The following AHNAK2 variants were observed in gnomAD, a reference collection of about 807,000 sequenced individuals.
AHNAK2 encodes protein AHNAK2.
AHNAK2 carries 18 observed loss-of-function variants against 30.7 expected under a neutral mutation model. The ratio of observed to expected loss-of-function variants is 0.59; its 90% CI spans 0.41 to 0.87. The LOEUF is 0.87. Ranked by LOEUF, AHNAK2 falls within the 40% of genes least tolerant of loss-of-function variation. The pLI, the probability that AHNAK2 is intolerant of heterozygous loss-of-function variation, is 0.00. For synonymous variants in AHNAK2, 3,590 were observed against 3,073.8 expected, an observed-to-expected ratio of 1.17 and a Z score of -5.56; for missense variants, 8,604 against 7,373.0, an observed-to-expected ratio of 1.17 and a Z score of -6.11.
Position 104,947,742 on chromosome 14 carries a change from T to C in AHNAK2, c.7709A>G (p.Gln2570Arg). Residue 2570 changes from glutamine to arginine, a missense_variant, in exon 7 of 7, where the codon CAG (glutamine) becomes CGG (arginine). By Grantham distance (43) the Gln-to-Arg change is conservative. Coordinates refer to ENST00000333244, the MANE Select transcript of AHNAK2 (RefSeq NM_138420.4). Reference protein sequence around the residue: ...AGLKGHLPKVQMPSFKMPEMD... With the variant: ...AGLKGHLPKVRMPSFKMPEMD... ...TTCAGGCATCTTGAAACTGGGCATC[T>C]GCACCTTGGGCAGGTGCCCTTTGAG... 6 of 1,612,722 alleles carry C rather than the reference T, an allele frequency of 3.7e-6. No individual in the cohort carries two copies. The highest frequency in any genetic ancestry group is 5.1e-6 in the Non-Finnish European group (6 of 1,179,578).
chr14:104,973,048 G>A (rs1291487910), intron 1 of AHNAK2, among the ~76,000 whole-genome samples: 1 of 152,240 alleles, frequency 6.6e-6, no homozygotes, highest in African/African-American at 2.4e-5. Flanking sequence ...GCAGGGCCTT[G>A]CTCACCTGCC....
At position 104,938,065 on chromosome 14, in the gene AHNAK2, A is replaced by G. The variant is rs773161405; in HGVS notation, c.17386T>C (p.Ter5796ArgextTer46). ...KGSGLGPNEG[*>R] ...CTTGTACTGATGAGCCATACCTCTCAGCCTTCATTTGGTCCCAGGCCTGAC... is the reference window on the plus strand; with the variant it reads ...CTTGTACTGATGAGCCATACCTCTCGGCCTTCATTTGGTCCCAGGCCTGAC... Residue 5796 changes from the stop codon to arginine (R), a stop_lost, in exon 7 of 7, where the codon TGA becomes CGA. Coordinates refer to ENST00000333244, the MANE Select transcript of AHNAK2 (RefSeq NM_138420.4). The G allele has an allele frequency of 1.2e-6, 2 of 1,611,682 alleles. No individual in the cohort carries two copies. Among genetic ancestry groups the G allele is most frequent in the Non-Finnish European group, 1.7e-6 (2 of 1,178,400 alleles).
rs1455071401 is a variant in AHNAK2, at chr14:104,938,122, G to A, written c.17329C>T (p.Gln5777Ter). The change falls in exon 7 of 7, where the codon CAG becomes TAG. Residue 5777 changes from glutamine to a stop codon, truncating the protein, a stop_gained. Transcript: ENST00000333244. LOFTEE classifies it low-confidence loss of function (END_TRUNC). ...AARTELILPE[Q>*]DRKADDESKG... ...CTTTCATCGTCAGCTTTTCTGTCCT[G>A]CTCGGGCAGGATTAACTCTGTTCTT... 1.2e-6 allele frequency: 2 copies of A among 1,613,890 alleles called. No homozygotes were observed. The highest frequency in any genetic ancestry group is 1.6e-4 in the Middle Eastern group (1 of 6,062).
rs1387979776 is a variant in AHNAK2 at position 104,942,015 on chromosome 14, C to T, written c.13436G>A (p.Gly4479Asp). The change falls in exon 7 of 7, where the codon GGC becomes GAC. Residue 4479 changes from glycine (G) to aspartate (D), a missense_variant. Gly to Asp is a moderately conservative substitution (Grantham distance 94). Transcript: ENST00000333244. ...KMPSFGMLSP[G>D]KSIEVSVDVS... The stretch of plus-strand genomic sequence containing the variant: ...ATCCACCGAGACCTCGATGGACTTG[C>T]CTGGGGACAACATCCCAAAGGATGG... The T allele has an allele frequency of 1.2e-6, 2 of 1,612,946 alleles. No homozygotes were observed. Among genetic ancestry groups the T allele is most frequent in the South Asian group, 1.1e-5 (1 of 91,026 alleles).
At position 104,939,858 on chromosome 14, in the gene AHNAK2, G is replaced by T. The variant is rs761496001; in HGVS notation, c.15593C>A (p.Pro5198His). The change falls in exon 7 of 7, where the codon CCC becomes CAC. Residue 5198 changes from proline (P) to histidine (H), a missense_variant. By Grantham distance (77) the Pro-to-His change is moderately conservative. Coordinates refer to ENST00000333244, the MANE Select transcript of AHNAK2 (RefSeq NM_138420.4). ...SWFKMPKFRM[P>H]SLRRSFRDRG... ...GTCCCTGAAAGAGCGCCTAAGGCTG[G>T]GCATGCGGAACTTGGGCATTTTAAA... 6.2e-7 allele frequency: 1 copy of T among 1,613,646 alleles called. No individual in the cohort carries two copies. The highest frequency in any genetic ancestry group is 8.5e-7 in the Non-Finnish European group (1 of 1,179,912).
rs539943321 is a variant in AHNAK2 at position 104,957,045 on chromosome 14, C to T, written c.214-356G>A. 3.9e-5 allele frequency among the ~76,000 whole-genome samples: 6 copies of T among 152,350 alleles called. No homozygotes were observed. In the South Asian group the frequency reaches 6.2e-4, roughly 16 times the overall value. On this transcript the variant is annotated intron_variant, in intron 3 of 6. Transcript: ENST00000333244. ...GACATGCCTCCTCTGATCCCTTCCC[C>T]GAGTCCTTGTCTCCAGAGGTAGCCA...
At position 104,970,367 on chromosome 14, in the gene AHNAK2, C is replaced by G. The variant is rs181314209; in HGVS notation, c.55+7816G>C. The G allele has an allele frequency of 4.6e-4, 436 of 951,176 alleles. 2 individuals are homozygous for G. The African/African-American group carries it at 6.2e-3, about 14-fold the overall frequency. The allele number at this position is 951,176 out of a possible 1,614,324, so 58.9% of individuals were successfully genotyped here. ...GCCTAGCCCAGCTCTGTTCCTCCAG[C>G]CCCCCTTGCTGGTGGCCTGCTGGCC... On this transcript the variant is annotated intron_variant, in intron 1 of 6. Transcript: ENST00000333244.
rs186664557 is a variant in AHNAK2, at chr14:104,948,797, G to A, written c.6654C>T (p.Asp2218=). 8.6e-5 allele frequency: 139 copies of A among 1,609,302 alleles called. 3 individuals carry two copies. In the Middle Eastern group the frequency reaches 1.7e-3, roughly 19 times the overall value. Residue 2218 remains aspartate, a synonymous_variant, in exon 7 of 7, where the codon GAC becomes GAT. Coordinates refer to ENST00000333244, the MANE Select transcript of AHNAK2 (RefSeq NM_138420.4). ...GCACAGGGCCCTCCAGGAGTTTCAC[G>A]TCCACCTGGCCAGCCTGGACCTTCA... The part of the protein sequence containing the change: ...ADVKVQAGQV[D]VKLLEGPVPE...
chr14:104,970,321 G>T, intron 1 of AHNAK2: 1 of 688,096 alleles, frequency 1.5e-6, no homozygotes, highest in Non-Finnish European at 1.8e-6. Flanking sequence ...CTGCCCGTCT[G>T]TCAGCTGCAG....
rs180901286 is a variant in AHNAK2, at chr14:104,945,484, G to A, written c.9967C>T (p.Pro3323Ser). Residue 3323 changes from proline to serine, a missense_variant, in exon 7 of 7, where the codon CCA becomes TCA. Pro to Ser is a moderately conservative substitution (Grantham distance 74). Coordinates refer to ENST00000333244, the MANE Select transcript of AHNAK2 (RefSeq NM_138420.4). The stretch of plus-strand genomic sequence containing the variant: ...ACCGAGGCCTGGATGGACTTGCCTG[G>A]GGCAGACGCCCTGTACGACGGCATC... ...FKMPSYRASA[P>S]GKSIQASVDV... The A allele has an allele frequency of 1.4e-5, 23 of 1,613,348 alleles. No homozygotes were observed. In the Admixed American group the frequency reaches 3.7e-4, roughly 26 times the overall value.
chr14:104,954,108 C>A lies in AHNAK2; in HGVS notation c.1343G>T (p.Arg448Leu). 1 of 1,612,466 alleles carries A rather than the reference C, an allele frequency of 6.2e-7. No homozygotes were observed. Among genetic ancestry groups the A allele is most frequent in the Non-Finnish European group, 8.5e-7 (1 of 1,179,860 alleles). The change falls in exon 7 of 7, where the codon CGG becomes CTG. Residue 448 changes from arginine to leucine, a missense_variant. Coordinates refer to ENST00000333244, the MANE Select transcript of AHNAK2 (RefSeq NM_138420.4). This position sits in a 1 kb window ranked among gnomAD's most constrained non-coding sequence, Gnocchi z 4.3. ...CTGCAGTCCCTCGCCTTCACCCTCC[C>A]GGCTCATTCCAGGAGTTGGCTGGGC... ...PRAQPTPGMSREGEGEGLQSL... is the reference protein window; with the variant it reads ...PRAQPTPGMSLEGEGEGLQSL...
In AHNAK2 at chr14:104,949,385, C is replaced by CA; in HGVS notation, c.6065dup (p.Ser2023GlufsTer13). 6.3e-7 allele frequency: 1 copy of CA among 1,581,386 alleles called. No individual in the cohort carries two copies. The highest frequency in any genetic ancestry group is 8.6e-7 in the Non-Finnish European group (1 of 1,158,676). On this transcript the variant is annotated frameshift_variant, in exon 7 of 7. Coordinates refer to ENST00000333244, the MANE Select transcript of AHNAK2 (RefSeq NM_138420.4). LOFTEE classifies it low-confidence loss of function (END_TRUNC). ...GGTCCCCCTGCATGGAGGGGAGACT[C>CA]ACGTCGGCCTCCACCTTGGGTGCAG...
intron 1 of AHNAK2, among the ~76,000 whole-genome samples, chr14:104,960,239 A>T (rs1310365227): frequency 6.6e-6 from 1 of 152,242 alleles, no homozygotes; most frequent in African/African-American, 2.4e-5. Context: ...GAGGGTATAC[A>T]GTCAGCCTCT....
rs768635401 is a variant in AHNAK2, at chr14:104,948,958, C to A, written c.6493G>T (p.Val2165Leu). Residue 2165 changes from valine (V) to leucine (L), a missense_variant, in exon 7 of 7, where the codon GTG (valine) becomes TTG (leucine). Coordinates refer to ENST00000333244, the MANE Select transcript of AHNAK2 (RefSeq NM_138420.4). The part of the protein sequence containing the change: ...MPKFKMPSFG[V>L]SAPGKSIEAS... Reference sequence around the variant, plus strand: ...TCGATGGACTTGCCTGGGGCAGACACCCCAAACGACGGCATCTTGAACTTG... The same window carrying A: ...TCGATGGACTTGCCTGGGGCAGACAACCCAAACGACGGCATCTTGAACTTG... 3 of 1,253,440 alleles carry A rather than the reference C, an allele frequency of 2.4e-6. 1 individual carries two copies. The highest frequency in any genetic ancestry group is 3.4e-6 in the Non-Finnish European group (3 of 884,058). The allele number at this position is 1,253,440 out of a possible 1,614,324, so 77.6% of individuals were successfully genotyped here.
At position 104,947,115 on chromosome 14, in the gene AHNAK2, A is replaced by G; in HGVS notation, c.8336T>C (p.Met2779Thr). Residue 2779 changes from methionine to threonine, a missense_variant, in exon 7 of 7, where the codon ATG becomes ACG. Transcript: ENST00000333244. Reference protein sequence around the residue: ...APDVKMSLSSMEVDVQAPRAK... With the variant: ...APDVKMSLSSTEVDVQAPRAK... The stretch of plus-strand genomic sequence containing the variant: ...TCTCGGGGCCTGGACGTCCACCTCC[A>G]TGCTGGACAGAGACATCTTCACATC... The G allele has an allele frequency of 2.5e-6, 4 of 1,612,082 alleles. No individual in the cohort carries two copies. The highest frequency in any genetic ancestry group is 2.5e-6 in the Non-Finnish European group (3 of 1,179,496).
At chr14:104,970,724 C>A (rs952370073) in intron 1 of AHNAK2, among the ~76,000 whole-genome samples, 1 of 152,196 alleles carries the variant, frequency 6.6e-6, no homozygotes, top group African/African-American at 2.4e-5. Flanking sequence ...GTGCCCACCC[C>A]CAGCCTGAGC....
chr14:104,942,491 C>T lies in AHNAK2; in HGVS notation c.12960G>A (p.Ser4320=), dbSNP rs573615889. The stretch of plus-strand genomic sequence containing the variant: ...CCACCTTCAGCGCAGACACATCCAA[C>T]GAGGCCTCGATGGACTTGCCTGGGG... The part of the protein sequence containing the change: ...VSAPGKSIEA[S]LDVSALKVEA... The change falls in exon 7 of 7, where the codon TCG becomes TCA. Residue 4320 remains serine (S), a synonymous_variant. Transcript: ENST00000333244. 1.0e-4 allele frequency: 164 copies of T among 1,612,436 alleles called. No individual in the cohort carries two copies. The highest frequency in any genetic ancestry group is 2.8e-4 in the African/African-American group (21 of 74,602).
intron 1 of AHNAK2, among the ~76,000 whole-genome samples, 190 bp from the exon 2 acceptor site, chr14:104,957,862 G>A (rs117133514): frequency 2.5e-4 from 38 of 152,306 alleles, no homozygotes; most frequent in Admixed American, 1.0e-3. Flanking sequence ...GAGGCATCAC[G>A]TCAGGTAGCA....
chr14:104,952,306 G>T lies in AHNAK2; in HGVS notation c.3145C>A (p.Gln1049Lys). 6.2e-7 allele frequency: 1 copy of T among 1,612,456 alleles called. No individual in the cohort carries two copies. The highest frequency in any genetic ancestry group is 1.1e-5 in the South Asian group (1 of 91,030). The change falls in exon 7 of 7, where the codon CAG becomes AAG. Residue 1049 changes from glutamine (Q) to lysine (K), a missense_variant. Coordinates refer to ENST00000333244, the MANE Select transcript of AHNAK2 (RefSeq NM_138420.4). Reference protein sequence around the residue: ...GDLKTTDLSIQPASTDLKVQA... With the variant: ...GDLKTTDLSIKPASTDLKVQA... ...ACCTTCAGGTCAGTAGAAGCAGGCT[G>T]AATGCTGAGGTCAGTGGTCTTCAGG...
Sources: allele counts gnomAD v4.1 joint callset (sites outside exome capture counted in the v4.1 genomes callset), GRCh38; gene constraint gnomAD v4.1.1; non-coding constraint Gnocchi (gnomAD v3.1); transcripts MANE v1.5; gene names NCBI Gene and HGNC (gene_info 2026-07-23, HGNC 2026-07-21).